The following ZNF653 variants were observed in gnomAD, a reference collection of about 807,000 sequenced individuals.
ZNF653 encodes the protein 67 kDa zinc finger protein.
ZNF653 carries 37 observed loss-of-function variants against 59.9 expected under a neutral mutation model. That is an observed-to-expected ratio of 0.62 (90% CI 0.48 to 0.81). The LOEUF (loss-of-function observed/expected upper bound fraction) is 0.81. ZNF653 is among the 40% of genes least tolerant of loss of function. The pLI, the probability that ZNF653 is intolerant of heterozygous loss-of-function variation, is 0.00. For synonymous variants in ZNF653, 435 were observed against 371.8 expected (o/e 1.17, Z -1.96); for missense variants, 808 against 881.1 (o/e 0.92, Z 1.05).
At chr19:11,486,734 G>T in intron 6 of ZNF653, 35 bp downstream of exon 6, 1 of 1,542,928 alleles carries the variant, frequency 6.5e-7, no homozygotes, top group Non-Finnish European at 8.8e-7. Flanking sequence ...GGGCCTTGTG[G>T]GCCTGGCCCA....
At chr19:11,498,190 C>T (rs1971608060) in intron 2 of ZNF653, 106 bp downstream of exon 2, 1 of 1,507,382 alleles carries the variant, frequency 6.6e-7, no homozygotes, top group Non-Finnish European at 9.2e-7. Flanking sequence ...TCTGCTGGTT[C>T]CAACTGTGCT....
chr19:11,483,510 T>A lies in ZNF653; in HGVS notation c.*172A>T, dbSNP rs899876739. 1 of 1,399,552 alleles carries A rather than the reference T, an allele frequency of 7.1e-7. No homozygotes were observed. Among genetic ancestry groups the A allele is most frequent in the Non-Finnish European group, 9.3e-7 (1 of 1,077,260 alleles). 86.7% of individuals were successfully genotyped at this position (1,399,552 alleles called of 1,614,324 possible). A position where few individuals can be genotyped will look rare whatever the true frequency, so the allele number is the denominator to read the frequency against. ...CCCCAGGCACCAGCTCCGAGAAGGA[T>A]GCGGTGGGGCGGGGTGGGGAACCTG... On this transcript the variant is annotated 3_prime_UTR_variant, in exon 9 of 9. Transcript: ENST00000293771.
In ZNF653 at chr19:11,483,682, T is replaced by TCAGGTGGGC. The variant is rs2144930003; in HGVS notation, c.1839_1847dup (p.Thr615_Ter616insTrpProThr). On this transcript the variant is annotated inframe_insertion, in exon 9 of 9. Coordinates refer to ENST00000293771, the MANE Select transcript of ZNF653 (RefSeq NM_138783.4). ...TAGGGGCGGTCAGTGGTCAGGTGGG[T>TCAGGTGGGC]CAGGTGGGCTTGTGATCCGGGTGGC... 1 of 1,610,672 alleles carries TCAGGTGGGC rather than the reference T, an allele frequency of 6.2e-7. No individual in the cohort carries two copies. The highest frequency in any genetic ancestry group is 8.5e-7 in the Non-Finnish European group (1 of 1,177,372).
chr19:11,487,058 C>T lies in ZNF653; in HGVS notation c.1272G>A (p.Glu424=). The change falls in exon 5 of 9, where the codon GAG becomes GAA. Residue 424 remains glutamate (E), a synonymous_variant. Transcript: ENST00000293771. This position sits in a 1 kb window ranked among gnomAD's most constrained non-coding sequence, Gnocchi z 5.1. The part of the protein sequence containing the change: ...TVPESAEPEA[E]ADGEELDGSD... ...TGCCGTCCAGCTCCTCCCCGTCCGC[C>T]TCTGCCTCAGGCTCTGCGCTCTCAG... 6.2e-7 allele frequency: 1 copy of T among 1,614,160 alleles called. No homozygotes were observed. Among genetic ancestry groups the T allele is most frequent in the Non-Finnish European group, 8.5e-7 (1 of 1,180,010 alleles).
rs1440298530 is a variant in ZNF653, at chr19:11,483,535, G to C, written c.*147C>G. 7.1e-7 allele frequency: 1 copy of C among 1,405,750 alleles called. No individual in the cohort carries two copies. The highest frequency in any genetic ancestry group is 2.7e-5 in the East Asian group (1 of 36,828). 87.1% of individuals were successfully genotyped at this position (1,405,750 alleles called of 1,614,324 possible). A position where few individuals can be genotyped will look rare whatever the true frequency, so the allele number is the denominator to read the frequency against. On this transcript the variant is annotated 3_prime_UTR_variant, in exon 9 of 9. Coordinates refer to ENST00000293771, the MANE Select transcript of ZNF653 (RefSeq NM_138783.4). ...TGCGGTGGGGCGGGGTGGGGAACCT[G>C]CCCAGGGGGCCCAGCTCTGGGGCGG...
At chr19:11,505,244 G>A (rs959674116) in intron 1 of ZNF653, 9 of 440,646 alleles carry the variant, frequency 2.0e-5, no homozygotes, top group Admixed American at 1.4e-4. Flanking sequence ...GCGGGGCCAA[G>A]CGCTCAGAAG....
Position 11,487,303 on chromosome 19 carries a change from TCGATGCCTG to T in ZNF653, c.1151_1159del (p.Ala384_Ile386del), listed in dbSNP as rs200934959. ...CAGGTCCCCCAGACCTTTCTTGGTC[TCGATGCCTG>T]CTACTGCGGTGGCGTCCATGGTGCT... On this transcript the variant is annotated inframe_deletion, in exon 4 of 9. Transcript: ENST00000293771. This position sits in a 1 kb window ranked among gnomAD's most constrained non-coding sequence, Gnocchi z 5.1. 2.3e-3 allele frequency: 3,633 copies of T among 1,612,180 alleles called. 63 individuals are homozygous for T. In the African/African-American group the frequency reaches 0.033, roughly 15 times the overall value.
Position 11,490,271 on chromosome 19 carries a change from G to A in ZNF653, c.560-2368C>T, listed in dbSNP as rs548859156. Among the ~76,000 whole-genome samples, 66 of 152,306 alleles carry A rather than the reference G, an allele frequency of 4.3e-4. 1 individual carries two copies. Among genetic ancestry groups the A allele is most frequent in the African/African-American group, 1.5e-3 (63 of 41,566 alleles). ...GGAAGAGATGCACAGGGCAAGATAC[G>A]GGGGTATGGTATGGGCTTCCATGCC... On this transcript the variant is annotated intron_variant, in intron 3 of 8. Transcript: ENST00000293771.
intron 3 of ZNF653, among the ~76,000 whole-genome samples, chr19:11,493,756 T>C (rs1448354456): frequency 6.6e-6 from 1 of 152,164 alleles, no homozygotes; most frequent in African/African-American, 2.4e-5. Flanking sequence ...CGGTGGCATA[T>C]GCCTGTAATC....
intron 3 of ZNF653, among the ~76,000 whole-genome samples, chr19:11,494,327 GATA>G (rs1971559534): frequency 7.2e-6 from 1 of 139,554 alleles, no homozygotes; most frequent in Non-Finnish European, 1.5e-5. Context: ...GTCTCAAAAA[GATA>G]ACATAACATA....
intron 5 of ZNF653, 48 bp from the exon 6 acceptor site, chr19:11,486,928 TG>T: frequency 6.2e-7 from 1 of 1,610,760 alleles, no homozygotes; most frequent in Non-Finnish European, 8.5e-7. Flanking sequence ...CCAGGCAGGC[TG>T]GGGGCCTGCG....
rs1217646161 is a variant in ZNF653, at chr19:11,487,983, T to C, written c.560-80A>G. On this transcript the variant is annotated intron_variant, in intron 3 of 8. Coordinates refer to ENST00000293771, the MANE Select transcript of ZNF653 (RefSeq NM_138783.4). The surrounding 1 kb of genome is among the most constrained non-coding windows in gnomAD (Gnocchi z 5.1). The stretch of plus-strand genomic sequence containing the variant: ...TTTATTTAGTTTTTATTTTATTTTA[T>C]TTATTTATTTATTTATTTTTTTGAG... 1.4e-5 allele frequency: 16 copies of C among 1,135,570 alleles called. No homozygotes were observed. The highest frequency in any genetic ancestry group is 1.8e-5 in the Non-Finnish European group (16 of 912,206). 70.3% of individuals were successfully genotyped at this position (1,135,570 alleles called of 1,614,324 possible).
intron 6 of ZNF653, among the ~76,000 whole-genome samples, chr19:11,486,211 G>A (rs1382010661): frequency 4.6e-5 from 7 of 152,188 alleles, no homozygotes; most frequent in Non-Finnish European, 8.8e-5. Flanking sequence ...CGCCCACCTC[G>A]GCCTCCCAAA....
In ZNF653 at chr19:11,505,606, A is replaced by G; in HGVS notation, c.181T>C (p.Tyr61His). The G allele has an allele frequency of 6.6e-7, 1 of 1,506,098 alleles. No homozygotes were observed. The allele number at this position is 1,506,098 out of a possible 1,614,324, so 93.3% of individuals were successfully genotyped here. Residue 61 changes from tyrosine (Y) to histidine (H), a missense_variant, in exon 1 of 9, where the codon TAC becomes CAC. Tyr to His is a moderately conservative substitution (Grantham distance 83). Transcript: ENST00000293771. ...SRKKYDVRRV[Y>H]LGEAHGPWVD... ...CAGGGCCCGTGCGCCTCGCCCAGGT[A>G]CACGCGCCGCACGTCGTACTTCTTC...
chr19:11,485,972 T>C (rs1337061273), intron 6 of ZNF653, among the ~76,000 whole-genome samples: 2 of 151,882 alleles, frequency 1.3e-5, no homozygotes, highest in Non-Finnish European at 2.9e-5. Flanking sequence ...TTTTTTGAGA[T>C]GGAGTCTTGC....
Position 11,495,656 on chromosome 19 carries a change from C to T in ZNF653, c.559+294G>A. ...AGCAGGCCTGCCCCCGCCCCAGCTGCCAAGCCAGGGCTCCTGGGCCCTCAG... is the reference window on the plus strand; with the variant it reads ...AGCAGGCCTGCCCCCGCCCCAGCTGTCAAGCCAGGGCTCCTGGGCCCTCAG... On this transcript the variant is annotated intron_variant, in intron 3 of 8. Coordinates refer to ENST00000293771, the MANE Select transcript of ZNF653 (RefSeq NM_138783.4). This position sits in a 1 kb window ranked among gnomAD's most constrained non-coding sequence, Gnocchi z 4.9. 1 of 433,008 alleles carries T rather than the reference C, an allele frequency of 2.3e-6. No individual in the cohort carries two copies. The highest frequency in any genetic ancestry group is 4.3e-6 in the Non-Finnish European group (1 of 233,640). The allele number at this position is 433,008 out of a possible 1,614,324, so 26.8% of individuals were successfully genotyped here.
chr19:11,496,340 C>A (rs530302788), intron 2 of ZNF653, among the ~76,000 whole-genome samples, 175 bp from the exon 3 acceptor site: 58 of 152,238 alleles, frequency 3.8e-4, no homozygotes, highest in Admixed American at 8.5e-4. Flanking sequence ...GGAGAGGCAC[C>A]CCCTGGAGGT....
chr19:11,501,330 C>G (rs1267114992), intron 1 of ZNF653, among the ~76,000 whole-genome samples: 2 of 152,024 alleles, frequency 1.3e-5, no homozygotes, highest in East Asian at 3.9e-4. Flanking sequence ...AGGCATGCAC[C>G]ACCACACCCG....
chr19:11,496,107 C>G lies in ZNF653; in HGVS notation c.402G>C (p.Lys134Asn). 1.2e-6 allele frequency: 2 copies of G among 1,614,076 alleles called. No homozygotes were observed. Among genetic ancestry groups the G allele is most frequent in the East Asian group, 4.5e-5 (2 of 44,884 alleles). Residue 134 changes from lysine to asparagine, a missense_variant, in exon 3 of 9, where the codon AAG becomes AAC. Physicochemically the swap from Lys to Asn is moderately conservative, Grantham distance 94 (BLOSUM62 0). Transcript: ENST00000293771. ...KNVVIWYEDHKHRCPYEPHLA... is the reference protein window; with the variant it reads ...KNVVIWYEDHNHRCPYEPHLA... ...GGTGCGGCTCGTACGGGCAGCGGTGCTTGTGGTCCTCGTACCAGATCACCA... is the reference window on the plus strand; with the variant it reads ...GGTGCGGCTCGTACGGGCAGCGGTGGTTGTGGTCCTCGTACCAGATCACCA...
Sources: allele counts gnomAD v4.1 joint callset (sites outside exome capture counted in the v4.1 genomes callset), GRCh38; gene constraint gnomAD v4.1.1; non-coding constraint Gnocchi (gnomAD v3.1); transcripts MANE v1.5; gene names NCBI Gene and HGNC (gene_info 2026-07-23, HGNC 2026-07-21).